Variants in CSMD1 observed in about 807,000 individuals in gnomAD.
The protein encoded by CSMD1 is CUB and sushi domain-containing protein 1.
Under a neutral mutation model 417.5 loss-of-function variants are expected in CSMD1, and 213 were observed. The ratio of observed to expected loss-of-function variants is 0.51; its 90% CI spans 0.46 to 0.57. The LOEUF (loss-of-function observed/expected upper bound fraction) is 0.57. Ranked by LOEUF, CSMD1 falls within the 20% of genes least tolerant of loss-of-function variation. The probability of loss-of-function intolerance (pLI) is 0.00; values close to 1 mark genes in which losing one functional copy is unlikely to be tolerated. For synonymous variants in CSMD1, 2,862 were observed against 1,736.8 expected, an observed-to-expected ratio of 1.65 and a Z score of -16.11; for missense variants, 6,923 against 4,529.7, an observed-to-expected ratio of 1.53 and a Z score of -15.17.
intron 5 of CSMD1, among the ~76,000 whole-genome samples, chr8:3,768,372 C>T (rs1028657849): frequency 3.9e-5 from 6 of 152,182 alleles, no homozygotes; most frequent in African/African-American, 1.2e-4. Flanking sequence ...ATTCCAAACA[C>T]CCAGCCTTTA....
At position 3,592,675 on chromosome 8, in the gene CSMD1, C is replaced by T. The variant is rs150603408; in HGVS notation, c.1098-6415G>A. ...GTGTGTTTACGTGTGTGTGCACATC[C>T]GTGTGTGTGTGCACATCCGTGTGTG... On this transcript the variant is annotated intron_variant, in intron 8 of 69. Transcript: ENST00000635120. Among the ~76,000 whole-genome samples the T allele has an allele frequency of 3.6e-3, 463 of 127,808 alleles. 3 individuals are homozygous for T. Among genetic ancestry groups the T allele is most frequent in the African/African-American group, 0.021 (441 of 21,258 alleles). 83.8% of individuals were successfully genotyped at this position (127,808 alleles called of 152,430 possible).
intron 28 of CSMD1, among the ~76,000 whole-genome samples, chr8:3,220,623 G>A (rs1046862593): frequency 6.6e-6 from 1 of 152,184 alleles, no homozygotes; most frequent in Non-Finnish European, 1.5e-5. Flanking sequence ...ACGAGGTCAG[G>A]AGTTCGAGAA....
intron 1 of CSMD1, among the ~76,000 whole-genome samples, chr8:4,687,640 C>G (rs911420011): frequency 6.6e-6 from 1 of 152,172 alleles, no homozygotes; most frequent in Non-Finnish European, 1.5e-5. Flanking sequence ...GTGTTACTCA[C>G]AGCTAAATCC....
intron 2 of CSMD1, among the ~76,000 whole-genome samples, chr8:4,485,626 A>T (rs550731787): frequency 1.6e-4 from 24 of 152,296 alleles, no homozygotes; most frequent in African/African-American, 5.3e-4. Flanking sequence ...TTCTACTATT[A>T]AAATTGATCT....
intron 3 of CSMD1, among the ~76,000 whole-genome samples, chr8:4,349,757 G>C (rs1236213262): frequency 6.6e-6 from 1 of 150,666 alleles, no homozygotes; most frequent in Non-Finnish European, 1.5e-5. Context: ...ATGCCCAAAT[G>C]AATCTTTCCT....
chr8:4,655,269 G>A (rs370593120), intron 1 of CSMD1, among the ~76,000 whole-genome samples: 1 of 151,958 alleles, frequency 6.6e-6, no homozygotes, highest in Non-Finnish European at 1.5e-5. Context: ...CCTCCCCCTG[G>A]GGTCACTGCC....
At chr8:4,437,376 G>A (rs183322541) in intron 2 of CSMD1, among the ~76,000 whole-genome samples, 1 of 152,188 alleles carries the variant, frequency 6.6e-6, no homozygotes, top group East Asian at 1.9e-4. Context: ...CCTTGTATGT[G>A]AACAACTTAC....
chr8:4,521,572 T>C (rs931333507), intron 2 of CSMD1, among the ~76,000 whole-genome samples: 2 of 152,196 alleles, frequency 1.3e-5, no homozygotes, highest in African/African-American at 4.8e-5. Context: ...AGTAATGCTT[T>C]TTATTTCATT....
intron 5 of CSMD1, among the ~76,000 whole-genome samples, chr8:3,926,081 AT>A (rs2129146700): frequency 5.7e-5 from 3 of 52,546 alleles, no homozygotes; most frequent in South Asian, 1.6e-3. Flanking sequence ...CACAAACACC[AT>A]ACACACACAC....
intron 25 of CSMD1, among the ~76,000 whole-genome samples, chr8:3,298,258 T>G (rs772714163): frequency 4.4e-4 from 67 of 152,174 alleles, no homozygotes; most frequent in Non-Finnish European, 1.5e-4. Flanking sequence ...AAAGCATACA[T>G]ACATTCACCA....
At chr8:4,197,534 T>C (rs1190107780) in intron 3 of CSMD1, among the ~76,000 whole-genome samples, 1 of 152,152 alleles carries the variant, frequency 6.6e-6, no homozygotes, top group Non-Finnish European at 1.5e-5. Context: ...TGCCTGATGG[T>C]CTTCCAACTA....
chr8:4,618,379 T>C (rs1460192173), intron 2 of CSMD1, among the ~76,000 whole-genome samples: 2 of 152,132 alleles, frequency 1.3e-5, no homozygotes, highest in Admixed American at 1.3e-4. Context: ...TGGAACAGTT[T>C]ACTTTGCAGA....
chr8:4,014,676 G>A (rs989816235), intron 4 of CSMD1, among the ~76,000 whole-genome samples: 4 of 152,168 alleles, frequency 2.6e-5, no homozygotes, highest in Non-Finnish European at 5.9e-5. Context: ...TCTGAGCTGT[G>A]CCAACTTGTG....
chr8:3,551,241 C>A (rs1798897112), intron 10 of CSMD1, among the ~76,000 whole-genome samples: 1 of 152,124 alleles, frequency 6.6e-6, no homozygotes, highest in Non-Finnish European at 1.5e-5. Flanking sequence ...GTAAATTTCT[C>A]AAGAAATATT....
chr8:3,357,026 G>T (rs1000034494), intron 21 of CSMD1, among the ~76,000 whole-genome samples: 1 of 152,096 alleles, frequency 6.6e-6, no homozygotes, highest in Non-Finnish European at 1.5e-5. Flanking sequence ...GGGGGACTGC[G>T]GGGTTCTGGA....
intron 5 of CSMD1, among the ~76,000 whole-genome samples, chr8:3,914,336 G>C (rs967808466): frequency 4.0e-5 from 6 of 151,868 alleles, no homozygotes; most frequent in Non-Finnish European, 8.8e-5. Context: ...GGGGCCTAGA[G>C]GGTATCAGGA....
At chr8:4,481,171 G>C (rs1801078119) in intron 2 of CSMD1, among the ~76,000 whole-genome samples, 1 of 152,184 alleles carries the variant, frequency 6.6e-6, no homozygotes, top group South Asian at 2.1e-4. Flanking sequence ...ATACACATCA[G>C]TTCCAGATTA....
At chr8:4,003,958 C>A (rs556124867) in intron 4 of CSMD1, among the ~76,000 whole-genome samples, 4 of 151,744 alleles carry the variant, frequency 2.6e-5, no homozygotes, top group Admixed American at 6.6e-5. Flanking sequence ...AACAAAAAAA[C>A]CATCAACTGG....
intron 6 of CSMD1, among the ~76,000 whole-genome samples, chr8:3,730,107 A>C (rs2129047301): frequency 6.6e-6 from 1 of 152,248 alleles, no homozygotes; most frequent in Admixed American, 6.5e-5. Flanking sequence ...TCCCGTTTGC[A>C]AAAGTAAACT....
Sources: allele counts gnomAD v4.1 joint callset (sites outside exome capture counted in the v4.1 genomes callset), GRCh38; gene constraint gnomAD v4.1.1; transcripts MANE v1.5; gene names NCBI Gene and HGNC (gene_info 2026-07-23, HGNC 2026-07-21).